The following IL1RAPL1 variants were observed in gnomAD, a reference collection of about 807,000 sequenced individuals.
IL1RAPL1 encodes interleukin-1 receptor accessory protein-like 1.
A neutral mutation model predicts 48.4 loss-of-function variants in IL1RAPL1; 3 were observed. That is an observed-to-expected ratio of 0.06 (90% confidence interval 0.03 to 0.16). IL1RAPL1 has a LOEUF of 0.16. Among genes scored for constraint, IL1RAPL1 ranks in the 10% least tolerant of loss-of-function variants. The pLI is 1.00. For synonymous variants in IL1RAPL1, 185 were observed against 187.7 expected (o/e 0.99, Z 0.12); for missense variants, 349 against 530.6 (o/e 0.66, Z 3.36).
intron 5 of IL1RAPL1, among the ~76,000 whole-genome samples, chrX:29,464,730 A>G (rs759939314): frequency 8.9e-6 from 1 of 112,341 alleles, no homozygotes; most frequent in South Asian, 3.7e-4. Context: ...ACATATATAC[A>G]ATGGAATACT....
intron 1 of IL1RAPL1, among the ~76,000 whole-genome samples, chrX:28,704,421 A>AACACACACACACAC (rs71703533): frequency 1.1e-5 from 1 of 89,518 alleles, no homozygotes; most frequent in African/African-American, 4.1e-5. Context: ...AAAACACACA[A>AACACACACACACAC]ACACACACAC....
chrX:28,867,624 T>C (rs183928521), intron 2 of IL1RAPL1, among the ~76,000 whole-genome samples: 9 of 112,164 alleles, frequency 8.0e-5, no homozygotes, highest in African/African-American at 2.9e-4. Flanking sequence ...ATGACTTTGG[T>C]TAAATGGAGG....
At chrX:29,545,038 T>G (rs1196509369) in intron 5 of IL1RAPL1, among the ~76,000 whole-genome samples, 1 of 110,121 alleles carries the variant, frequency 9.1e-6, no homozygotes, top group East Asian at 2.9e-4. Flanking sequence ...CATCTGCAAG[T>G]CAAGGAGAGA....
At chrX:29,738,794 T>C (rs770950828) in intron 6 of IL1RAPL1, among the ~76,000 whole-genome samples, 1 of 112,089 alleles carries the variant, frequency 8.9e-6, no homozygotes, top group Non-Finnish European at 1.9e-5. Context: ...ATGCGCAGAA[T>C]CCGGGGAATT....
chrX:29,373,328 G>A (rs1241216268), intron 3 of IL1RAPL1, among the ~76,000 whole-genome samples: 1 of 111,541 alleles, frequency 9.0e-6, no homozygotes, highest in Non-Finnish European at 1.9e-5. Flanking sequence ...TGAGTCTTTC[G>A]GATTTTCTAG....
chrX:29,238,599 A>C (rs775378978), intron 2 of IL1RAPL1, among the ~76,000 whole-genome samples: 72 of 111,934 alleles, frequency 6.4e-4, no homozygotes, highest in Non-Finnish European at 1.1e-3. Flanking sequence ...CTCATCCAAC[A>C]TAACAGCAGC....
At chrX:29,784,756 A>G (rs1028189706) in intron 6 of IL1RAPL1, among the ~76,000 whole-genome samples, 1 of 110,848 alleles carries the variant, frequency 9.0e-6, no homozygotes, top group African/African-American at 3.3e-5. Context: ...CCAGTTAGTT[A>G]ATTCTTCCCT....
intron 5 of IL1RAPL1, among the ~76,000 whole-genome samples, chrX:29,631,845 C>T (rs1924786279): frequency 9.0e-6 from 1 of 111,294 alleles, no homozygotes; most frequent in Admixed American, 9.5e-5. Flanking sequence ...AATTGAATCA[C>T]ACACACAACC....
Position 29,535,134 on chromosome X carries a change from C to CAAAAAA in IL1RAPL1, c.704-133273_704-133268dup, listed in dbSNP as rs35842937. Among the ~76,000 whole-genome samples the CAAAAAA allele has an allele frequency of 1.4e-3, 32 of 22,583 alleles. 2 individuals carry two copies. The highest frequency in any genetic ancestry group is 6.0e-3 in the African/African-American group (31 of 5,149). 19.6% of individuals were successfully genotyped at this position (22,583 alleles called of 115,157 possible). A position where few individuals can be genotyped will look rare whatever the true frequency, so the allele number is the denominator to read the frequency against. On this transcript the variant is annotated intron_variant, in intron 5 of 10. Coordinates refer to ENST00000378993, the MANE Select transcript of IL1RAPL1 (RefSeq NM_014271.4). ...GGGCAATGGAGTCAGACTCTGTCTC[C>CAAAAAA]AAAAAAAAAAAAAAAAAAAAAAAAA...
chrX:29,900,830 G>C (rs1412112153), intron 6 of IL1RAPL1, among the ~76,000 whole-genome samples: 1 of 111,953 alleles, frequency 8.9e-6, no homozygotes, highest in Non-Finnish European at 1.9e-5. Context: ...ACTATGACCT[G>C]TGAGACAAGG....
At chrX:29,872,144 C>T (rs920916439) in intron 6 of IL1RAPL1, among the ~76,000 whole-genome samples, 2 of 112,055 alleles carry the variant, frequency 1.8e-5, no homozygotes, top group Non-Finnish European at 1.9e-5. Context: ...ACCTTCTATC[C>T]GTTGGGTCTA....
At chrX:29,334,199 C>T (rs1932938310) in intron 3 of IL1RAPL1, among the ~76,000 whole-genome samples, 1 of 75,367 alleles carries the variant, frequency 1.3e-5, no homozygotes, top group African/African-American at 5.8e-5. Flanking sequence ...GGGCGGGGGG[C>T]TGACCCCCCC....
chrX:29,912,306 A>G (rs185902355), intron 6 of IL1RAPL1, among the ~76,000 whole-genome samples: 2 of 112,133 alleles, frequency 1.8e-5, no homozygotes, highest in African/African-American at 6.5e-5. Flanking sequence ...AAGCTTTAAA[A>G]AAAGGGAAAC....
chrX:28,715,664 A>G (rs893342233), intron 1 of IL1RAPL1, among the ~76,000 whole-genome samples: 1 of 111,597 alleles, frequency 9.0e-6, no homozygotes, highest in African/African-American at 3.3e-5. Flanking sequence ...ACCAATAATG[A>G]GTTCTGAAAT....
At chrX:29,790,501 C>T (rs1929604650) in intron 6 of IL1RAPL1, among the ~76,000 whole-genome samples, 1 of 112,039 alleles carries the variant, frequency 8.9e-6, no homozygotes, top group African/African-American at 3.2e-5. Flanking sequence ...TAATGATATG[C>T]CTTTTTAGCA....
chrX:29,532,034 G>A (rs753532520), intron 5 of IL1RAPL1, among the ~76,000 whole-genome samples: 2 of 111,082 alleles, frequency 1.8e-5, no homozygotes, highest in South Asian at 3.8e-4. Flanking sequence ...CGCGGGGAGA[G>A]GGGGGGCGCA....
chrX:29,250,717 C>A (rs1325074183), intron 2 of IL1RAPL1, among the ~76,000 whole-genome samples: 1 of 111,504 alleles, frequency 9.0e-6, no homozygotes, highest in Admixed American at 9.6e-5. Context: ...TTGATACTTC[C>A]ATGTAAACTC....
At chrX:28,752,104 T>A (rs1190422576) in intron 1 of IL1RAPL1, among the ~76,000 whole-genome samples, 4 of 112,578 alleles carry the variant, frequency 3.6e-5, no homozygotes, top group African/African-American at 6.4e-5. Flanking sequence ...TGCACATTTT[T>A]AAAATAACTT....
chrX:29,587,032 C>G (rs1352167619), intron 5 of IL1RAPL1, among the ~76,000 whole-genome samples: 1 of 110,612 alleles, frequency 9.0e-6, no homozygotes, highest in Non-Finnish European at 1.9e-5. Context: ...TGCCTAATTA[C>G]TCTGGCCAGG....
Sources: gnomAD v4.1 joint callset for allele counts (sites outside exome capture counted in the v4.1 genomes callset) on GRCh38, gnomAD v4.1.1 for gene constraint, MANE v1.5 for transcripts, NCBI Gene and HGNC (gene_info 2026-07-23, HGNC 2026-07-21) for gene names.